Variants in NAALADL2 observed in about 807,000 individuals in gnomAD.
NAALADL2 encodes N-acetylated alpha-linked acidic dipeptidase like 2, also known as inactive N-acetylated-alpha-linked acidic dipeptidase-like protein 2.
NAALADL2 carries 76 observed loss-of-function variants against 87.2 expected under a neutral mutation model. That is an observed-to-expected ratio of 0.87 (90% CI 0.72 to 1.05). NAALADL2 has a LOEUF of 1.05. Ranked by LOEUF, NAALADL2 falls within the 50% of genes least tolerant of loss-of-function variation. The pLI is 0.00. For synonymous variants in NAALADL2, 354 were observed against 331.0 expected (o/e 1.07, Z -0.75); for missense variants, 1,089 against 945.8 (o/e 1.15, Z -1.99).
chr3:175,398,172 G>C (rs1770057657), intron 5 of NAALADL2, among the ~76,000 whole-genome samples: 1 of 151,992 alleles, frequency 6.6e-6, no homozygotes, highest in South Asian at 2.1e-4. Flanking sequence ...CAAAGCCAAG[G>C]ATGATTTTTT....
intron 9 of NAALADL2, among the ~76,000 whole-genome samples, chr3:175,570,767 C>A (rs1468170275): frequency 6.6e-6 from 1 of 151,494 alleles, no homozygotes; most frequent in Non-Finnish European, 1.5e-5. Context: ...GTAGTCCCAG[C>A]TACTCGGGAG....
chr3:175,592,420 T>C (rs1049434546), intron 10 of NAALADL2, among the ~76,000 whole-genome samples: 1 of 151,938 alleles, frequency 6.6e-6, no homozygotes, highest in African/African-American at 2.4e-5. Flanking sequence ...ATTCAGGCAA[T>C]TCATTATTTC....
chr3:174,453,250 G>C (rs115961419), intron 1 of NAALADL2, among the ~76,000 whole-genome samples: 3,318 of 151,960 alleles, frequency 0.022, 52 homozygotes, highest in Non-Finnish European at 0.032. Flanking sequence ...GAATGAAAAA[G>C]AACAAAAAAA....
intron 2 of NAALADL2, among the ~76,000 whole-genome samples, chr3:174,578,759 G>A (rs1367963600): frequency 6.6e-6 from 1 of 151,656 alleles, no homozygotes; most frequent in African/African-American, 2.4e-5. Flanking sequence ...TAAAAACATA[G>A]GAGGATTCTA....
chr3:175,718,134 T>G lies in NAALADL2; in HGVS notation c.1897-19172T>G. ...GGTCTACAAGACGTATCTAGAAAAT[T>G]TACTACTGTGGAAAATGAAGACTGA... On this transcript the variant is annotated intron_variant, in intron 11 of 13. Transcript: ENST00000454872. 2.8e-6 allele frequency: 3 copies of G among 1,058,234 alleles called. No homozygotes were observed. The East Asian group carries it at 7.6e-5, about 27-fold the overall frequency. 65.6% of individuals were successfully genotyped at this position (1,058,234 alleles called of 1,614,324 possible).
intron 10 of NAALADL2, among the ~76,000 whole-genome samples, chr3:175,590,997 A>G (rs890053360): frequency 6.8e-6 from 1 of 147,900 alleles, no homozygotes; most frequent in Non-Finnish European, 1.5e-5. Flanking sequence ...CCTTCAAAAT[A>G]GCTTGTGCTG....
intron 1 of NAALADL2, among the ~76,000 whole-genome samples, chr3:175,002,339 G>T (rs1748363919): frequency 6.6e-6 from 1 of 152,098 alleles, no homozygotes; most frequent in African/African-American, 2.4e-5. Flanking sequence ...AGATTATATT[G>T]TTCGAATGAC....
At chr3:174,931,384 C>T (rs1736867994) in intron 1 of NAALADL2, among the ~76,000 whole-genome samples, 1 of 152,130 alleles carries the variant, frequency 6.6e-6, no homozygotes, top group Non-Finnish European at 1.5e-5. Flanking sequence ...TGCTCTGTCT[C>T]ACTTTTCCAA....
intron 1 of NAALADL2, among the ~76,000 whole-genome samples, chr3:174,952,319 C>T (rs549685483): frequency 7.9e-5 from 12 of 152,162 alleles, no homozygotes; most frequent in African/African-American, 2.9e-4. Flanking sequence ...ATCTCTGTTC[C>T]CCTTCGTGAC....
intron 5 of NAALADL2, among the ~76,000 whole-genome samples, chr3:175,328,682 G>A (rs924764666): frequency 6.6e-6 from 1 of 152,098 alleles, no homozygotes; most frequent in Admixed American, 6.6e-5. Flanking sequence ...CTGCATTTTA[G>A]CCAAAGACTG....
At chr3:175,203,514 A>C (rs188581540) in intron 2 of NAALADL2, among the ~76,000 whole-genome samples, 1 of 152,230 alleles carries the variant, frequency 6.6e-6, no homozygotes, top group East Asian at 1.9e-4. Flanking sequence ...GTCCTGCAGG[A>C]GCCGTCTGCT....
chr3:174,752,676 T>G lies in NAALADL2; in HGVS notation c.-9+14930T>G, dbSNP rs556199589. On this transcript the variant is annotated intron_variant, in intron 3 of 3. Transcript: ENST00000434257. ...TTATTTTGGTTTTGTTTGTGTAATA[T>G]CCCATTCCTTTTCTCTCTTGAAGTT... Among the ~76,000 whole-genome samples the G allele has an allele frequency of 3.9e-5, 6 of 152,262 alleles. No homozygotes were observed. The South Asian group carries it at 1.2e-3, about 32-fold the overall frequency.
At chr3:174,885,904 TTTTTTTTTTTTTTTTTTTTTTTTTTTTTA>T (rs1730071736) in intron 1 of NAALADL2, among the ~76,000 whole-genome samples, 1 of 42,654 alleles carries the variant, frequency 2.3e-5, no homozygotes. Context: ...TTTTTTTTTT[TTTTTTTTTTTTTTTTTTTTTTTTTTTTTA>T]GATGGAGTCT....
intron 5 of NAALADL2, among the ~76,000 whole-genome samples, chr3:175,407,462 A>G (rs1712619388): frequency 6.6e-6 from 1 of 152,196 alleles, no homozygotes; most frequent in African/African-American, 2.4e-5. Flanking sequence ...TATGTTTTAT[A>G]TATACTTCTA....
At chr3:175,649,662 T>C (rs1235592148) in intron 11 of NAALADL2, among the ~76,000 whole-genome samples, 1 of 152,078 alleles carries the variant, frequency 6.6e-6, no homozygotes, top group Non-Finnish European at 1.5e-5. Flanking sequence ...GAGTCCAAGC[T>C]CTCTGGTATC....
At chr3:174,473,303 C>T (rs1006777879) in intron 1 of NAALADL2, among the ~76,000 whole-genome samples, 2 of 152,122 alleles carry the variant, frequency 1.3e-5, no homozygotes, top group African/African-American at 4.8e-5. Context: ...AGATGATCTG[C>T]TCCAAGAAAA....
At chr3:175,082,657 C>G (rs1718105449) in intron 1 of NAALADL2, among the ~76,000 whole-genome samples, 1 of 152,116 alleles carries the variant, frequency 6.6e-6, no homozygotes, top group Non-Finnish European at 1.5e-5. Flanking sequence ...CTTTCCCTCC[C>G]TATTTTTAAA....
At chr3:174,463,650 G>C (rs1477324445) in intron 1 of NAALADL2, among the ~76,000 whole-genome samples, 2 of 139,968 alleles carry the variant, frequency 1.4e-5, no homozygotes, top group Non-Finnish European at 3.0e-5. Flanking sequence ...ACCCAGGCTA[G>C]AGTGCAGTGT....
intron 5 of NAALADL2, among the ~76,000 whole-genome samples, chr3:175,373,148 A>AT (rs893474544): frequency 3.3e-5 from 5 of 152,158 alleles, no homozygotes; most frequent in Non-Finnish European, 5.9e-5. Flanking sequence ...TTCCATATTA[A>AT]TTTTTTGTGA....
Sources: allele counts gnomAD v4.1 joint callset (sites outside exome capture counted in the v4.1 genomes callset), GRCh38; gene constraint gnomAD v4.1.1; transcripts MANE v1.5; gene names NCBI Gene and HGNC (gene_info 2026-07-23, HGNC 2026-07-21).